STX8: variants seen among roughly 807,000 people sequenced by gnomAD.
STX8 encodes syntaxin 8, also known as syntaxin-8.
Under a neutral mutation model 37.5 loss-of-function variants are expected in STX8, and 23 were observed. The observed-to-expected ratio is 0.61, with a 90% confidence interval of 0.44 to 0.87. The LOEUF is 0.87. STX8 is among the 40% of genes least tolerant of loss of function. STX8 has a pLI of 0.00. For missense variants in STX8, 313 were observed against 284.7 expected (o/e 1.10, Z -0.71); for synonymous variants, 115 against 99.1 (o/e 1.16, Z -0.95).
intron 7 of STX8, among the ~76,000 whole-genome samples, chr17:9,344,293 C>T (rs1910462239): frequency 6.7e-6 from 1 of 149,960 alleles, no homozygotes; most frequent in Admixed American, 6.6e-5. Flanking sequence ...TAGAGTCTCG[C>T]TCTGTTGCCC....
chr17:9,354,461 A>G (rs138007447), intron 7 of STX8, among the ~76,000 whole-genome samples: 159 of 151,290 alleles, frequency 1.1e-3, no homozygotes, highest in African/African-American at 3.6e-3. Flanking sequence ...GGTTGGGATT[A>G]CAGGCCCGTG....
chr17:9,482,233 A>T (rs1357507674), intron 6 of STX8, among the ~76,000 whole-genome samples: 1 of 152,086 alleles, frequency 6.6e-6, no homozygotes, highest in East Asian at 1.9e-4. Context: ...TCAGCATTTC[A>T]AATACCACCT....
chr17:9,404,634 C>T (rs1029790007), intron 6 of STX8, among the ~76,000 whole-genome samples: 7 of 151,938 alleles, frequency 4.6e-5, no homozygotes, highest in Non-Finnish European at 1.0e-4. Flanking sequence ...TTTGTATTTT[C>T]AGCAGAGATG....
At chr17:9,382,355 C>A (rs1212437048) in intron 6 of STX8, among the ~76,000 whole-genome samples, 1 of 152,164 alleles carries the variant, frequency 6.6e-6, no homozygotes, top group Non-Finnish European at 1.5e-5. Context: ...TGCTTAAATT[C>A]AACTATATCA....
At chr17:9,459,392 A>C (rs768461977) in intron 6 of STX8, among the ~76,000 whole-genome samples, 3 of 152,226 alleles carry the variant, frequency 2.0e-5, no homozygotes, top group Non-Finnish European at 4.4e-5. Flanking sequence ...CTGATTGTGC[A>C]AGTGTTGAAA....
chr17:9,563,746 AAGT>A (rs1365296250), intron 2 of STX8, among the ~76,000 whole-genome samples: 1 of 152,168 alleles, frequency 6.6e-6, no homozygotes, highest in Non-Finnish European at 1.5e-5. Flanking sequence ...TTAAATTAAA[AAGT>A]TGGAAAAAGC....
chr17:9,257,350 A>C (rs960522757), intron 7 of STX8, among the ~76,000 whole-genome samples: 1 of 152,196 alleles, frequency 6.6e-6, no homozygotes, highest in African/African-American at 2.4e-5. Context: ...GTCATGGTCC[A>C]TACTTTTTTC....
At chr17:9,453,221 T>C (rs1010554777) in intron 6 of STX8, among the ~76,000 whole-genome samples, 1 of 152,150 alleles carries the variant, frequency 6.6e-6, no homozygotes, top group African/African-American at 2.4e-5. Context: ...CCCTGGTTCA[T>C]AGGGTAGGTT....
chr17:9,501,630 G>A (rs1904614059), intron 5 of STX8, among the ~76,000 whole-genome samples: 1 of 151,724 alleles, frequency 6.6e-6, no homozygotes, highest in Non-Finnish European at 1.5e-5. Flanking sequence ...GACGGAGGAT[G>A]CAGTAAGCCA....
Position 9,545,173 on chromosome 17 carries a change from T to C in STX8, c.322A>G (p.Arg108Gly). 1 of 1,608,128 alleles carries C rather than the reference T, an allele frequency of 6.2e-7. No individual in the cohort carries two copies. The highest frequency in any genetic ancestry group is 8.5e-7 in the Non-Finnish European group (1 of 1,174,994). The change falls in exon 4 of 8, where the codon AGG becomes GGG. Residue 108 changes from arginine to glycine, a missense_variant and splice_region_variant. By Grantham distance (125) the Arg-to-Gly change is moderately radical (BLOSUM62 -2). Transcript: ENST00000306357. ...KNEGAEPDLI[R>G]SSLMSEEAKR... is the part of the protein sequence containing the mutation. ...TCCCTGTAAATAAAAACATCCTACC[T>C]GATTAGATCTGGTTCGGCACCCTCA...
chr17:9,396,143 T>C (rs975167257), intron 6 of STX8, among the ~76,000 whole-genome samples: 2 of 152,210 alleles, frequency 1.3e-5, no homozygotes, highest in Non-Finnish European at 2.9e-5. Context: ...TTTAGAAGAC[T>C]GGAATCCTGA....
Position 9,378,579 on chromosome 17 carries a change from T to C in STX8, c.616A>G (p.Met206Val), listed in dbSNP as rs978578485. ...KLRNETRRVN[M>V]VDRKSASCGM... ...CAAGAGGCTGACTTTCTGTCCACCA[T>C]GTTTACCCGCCTGGTTTCATTGCGA... The change falls in exon 7 of 8, where the codon ATG becomes GTG. Residue 206 changes from methionine (M) to valine (V), a missense_variant. By Grantham distance (21) the Met-to-Val change is conservative. Coordinates refer to ENST00000306357, the MANE Select transcript of STX8 (RefSeq NM_004853.3). 4.3e-6 allele frequency: 7 copies of C among 1,613,790 alleles called. No homozygotes were observed. Among genetic ancestry groups the C allele is most frequent in the Middle Eastern group, 3.3e-4 (2 of 6,056 alleles).
Position 9,471,031 on chromosome 17 carries a change from C to CTTTTTTTTTTTTTT in STX8, c.541+20784_541+20797dup, listed in dbSNP as rs757411419. On this transcript the variant is annotated intron_variant, in intron 6 of 7. Transcript: ENST00000306357. Reference sequence around the variant, plus strand: ...TACAGGCGTGAGCCACTGCATCCTGCTTTTTTTTTTTTTTTTTTTTTTTGA... The same window carrying CTTTTTTTTTTTTTT: ...TACAGGCGTGAGCCACTGCATCCTGCTTTTTTTTTTTTTTTTTTTTTTTTTTTTTTTTTTTTTGA... Among the ~76,000 whole-genome samples, 50 of 33,056 alleles carry CTTTTTTTTTTTTTT rather than the reference C, an allele frequency of 1.5e-3. 14 individuals carry two copies. Among genetic ancestry groups the CTTTTTTTTTTTTTT allele is most frequent in the South Asian group, 0.012 (6 of 482 alleles). The allele number at this position is 33,056 out of a possible 152,430, so 21.7% of individuals were successfully genotyped here.
chr17:9,347,503 C>T lies in STX8; in HGVS notation c.643+31049G>A, dbSNP rs1910572274. Among the ~76,000 whole-genome samples, 4 of 152,248 alleles carry T rather than the reference C, an allele frequency of 2.6e-5. No homozygotes were observed. The South Asian group carries it at 8.3e-4, about 32-fold the overall frequency. On this transcript the variant is annotated intron_variant, in intron 7 of 7. Transcript: ENST00000306357. ...CAATGTTGTGCAACTATCACTACTA[C>T]TTATTCCAGAACTTTCTTTTTCTTT...
chr17:9,307,248 C>CA (rs1490212813), intron 7 of STX8, among the ~76,000 whole-genome samples: 1 of 152,210 alleles, frequency 6.6e-6, no homozygotes, highest in Non-Finnish European at 1.5e-5. Context: ...CCATCCCCCC[C>CA]ACCAAAACAA....
chr17:9,382,702 TGAAAA>T (rs1382065725), intron 6 of STX8, among the ~76,000 whole-genome samples: 1 of 152,200 alleles, frequency 6.6e-6, no homozygotes, highest in Non-Finnish European at 1.5e-5. Context: ...ACAGACTTCT[TGAAAA>T]GGAGTATTAT....
intron 7 of STX8, among the ~76,000 whole-genome samples, chr17:9,302,863 G>A (rs984405746): frequency 6.6e-6 from 1 of 152,144 alleles, no homozygotes; most frequent in African/African-American, 2.4e-5. Context: ...TCATATTCGG[G>A]GTGGTGGAAA....
Position 9,568,390 on chromosome 17 carries a change from T to C in STX8, c.98A>G (p.Lys33Arg), listed in dbSNP as rs1202049699. ...TATTACCTTTGGTGCCTTTTCACCT[T>C]TTCTTTCATATTGATTTCGTTGTTG... is the stretch of plus-strand genomic sequence containing the variant. ...KIQQRNQYER[K>R]GEKAPKLTVT... Residue 33 changes from lysine (K) to arginine (R), a missense_variant, in exon 2 of 8, where the codon AAA becomes AGA. Transcript: ENST00000306357. 2.5e-6 allele frequency: 4 copies of C among 1,611,812 alleles called. No homozygotes were observed. The African/African-American group carries it at 5.3e-5, about 22-fold the overall frequency.
intron 7 of STX8, among the ~76,000 whole-genome samples, chr17:9,377,638 C>G (rs1911645701): frequency 6.6e-6 from 1 of 152,008 alleles, no homozygotes; most frequent in South Asian, 2.1e-4. Flanking sequence ...TTTTTTGTAT[C>G]TTTAGTAGAG....
Sources: gnomAD v4.1 joint callset for allele counts (sites outside exome capture counted in the v4.1 genomes callset) on GRCh38, gnomAD v4.1.1 for gene constraint, MANE v1.5 for transcripts, NCBI Gene and HGNC (gene_info 2026-07-23, HGNC 2026-07-21) for gene names.